The following CFHR5 variants were observed in gnomAD, a reference collection of about 807,000 sequenced individuals.
CFHR5 encodes the protein complement factor H related 5.
A neutral mutation model predicts 62.9 loss-of-function variants in CFHR5; 73 were observed. That is an observed-to-expected ratio of 1.16 (90% confidence interval 0.96 to 1.41). The LOEUF is 1.41. CFHR5 is among the 40% of genes most tolerant of loss of function. The pLI is 0.00. For missense variants in CFHR5, 779 were observed against 679.9 expected, an observed-to-expected ratio of 1.15 and a Z score of -1.62; for synonymous variants, 249 against 227.2, an observed-to-expected ratio of 1.10 and a Z score of -0.86.
intron 1 of CFHR5, among the ~76,000 whole-genome samples, chr1:196,982,662 C>A (rs1456429346): frequency 6.8e-6 from 1 of 147,472 alleles, no homozygotes; most frequent in African/African-American, 2.7e-5. Context: ...AAGAGTAAAA[C>A]CTGAAACTCC....
chr1:196,983,324 G>A (rs1038507546), intron 2 of CFHR5, among the ~76,000 whole-genome samples: 2 of 152,102 alleles, frequency 1.3e-5, no homozygotes, highest in Non-Finnish European at 2.9e-5. Context: ...TTAAACTGAT[G>A]ATTAATATAT....
chr1:196,976,905 C>T (rs1005316792), upstream of CFHR5, among the ~76,000 whole-genome samples: 4 of 147,312 alleles, frequency 2.7e-5, no homozygotes, highest in East Asian at 2.0e-4. Flanking sequence ...CCCGGTTTTA[C>T]GCCATTCTCC....
chr1:196,994,670 A>T (rs1267270073), intron 4 of CFHR5, among the ~76,000 whole-genome samples: 1 of 152,186 alleles, frequency 6.6e-6, no homozygotes, highest in Non-Finnish European at 1.5e-5. Flanking sequence ...TTCAGATGGC[A>T]CTATTTTTAT....
intron 3 of CFHR5, among the ~76,000 whole-genome samples, chr1:196,990,435 C>T (rs1297259517): frequency 6.6e-6 from 1 of 152,016 alleles, no homozygotes; most frequent in Non-Finnish European, 1.5e-5. Context: ...AGTTATTTTG[C>T]CCGTTAGTTG....
In CFHR5 at chr1:196,996,147, A is replaced by C; in HGVS notation, c.916A>C (p.Asn306His). The change falls in exon 6 of 10, where the codon AAT becomes CAT. Residue 306 changes from asparagine (N) to histidine (H), a missense_variant. By Grantham distance (68) the Asn-to-His change is moderately conservative. Coordinates refer to ENST00000256785, the MANE Select transcript of CFHR5 (RefSeq NM_030787.4). ...NCRNEYAMIGNNMITCINGIW... is the reference protein window; with the variant it reads ...NCRNEYAMIGHNMITCINGIW... ...CAGAAATGAATATGCAATGATTGGA[A>C]ATAACATGATTACCTGTATTAATGG... 1 of 1,613,544 alleles carries C rather than the reference A, an allele frequency of 6.2e-7. No individual in the cohort carries two copies. Among genetic ancestry groups the C allele is most frequent in the Non-Finnish European group, 8.5e-7 (1 of 1,179,526 alleles).
In CFHR5 at chr1:196,982,442, C is replaced by T. The variant is rs781664138; in HGVS notation, c.59-443C>T. On this transcript the variant is annotated intron_variant, in intron 1 of 9. Coordinates refer to ENST00000256785, the MANE Select transcript of CFHR5 (RefSeq NM_030787.4). ...ATCCCGGCAGTTTGGGAGGCCGAGGCGCATGGATCACCTGAGGTCAGGAGT... is the reference window on the plus strand; with the variant it reads ...ATCCCGGCAGTTTGGGAGGCCGAGGTGCATGGATCACCTGAGGTCAGGAGT... Among the ~76,000 whole-genome samples, 6 of 152,086 alleles carry T rather than the reference C, an allele frequency of 3.9e-5. 1 individual carries two copies. In the East Asian group the frequency reaches 1.2e-3, roughly 29 times the overall value.
In CFHR5 at chr1:196,983,061, C is replaced by G. The variant is rs1653583543; in HGVS notation, c.235C>G (p.Pro79Ala). Residue 79 changes from proline to alanine, a missense_variant, in exon 2 of 10, where the codon CCA becomes GCA. Coordinates refer to ENST00000256785, the MANE Select transcript of CFHR5 (RefSeq NM_030787.4). ...RITCTEEGWS[P>A]TPKCLRMCSF... ...AACATGCACAGAAGAAGGATGGTCACCAACACCGAAGTGTCTCAGTGAGTA... is the reference window on the plus strand; with the variant it reads ...AACATGCACAGAAGAAGGATGGTCAGCAACACCGAAGTGTCTCAGTGAGTA... 1.2e-6 allele frequency: 2 copies of G among 1,613,894 alleles called. No individual in the cohort carries two copies. The highest frequency in any genetic ancestry group is 3.3e-5 in the Admixed American group (2 of 59,998).
chr1:196,985,688 C>T (rs1653667229), intron 3 of CFHR5, among the ~76,000 whole-genome samples: 1 of 152,126 alleles, frequency 6.6e-6, no homozygotes, highest in African/African-American at 2.4e-5. Flanking sequence ...ATTTTAGAAG[C>T]TTGACAAATT....
intron 9 of CFHR5, among the ~76,000 whole-genome samples, chr1:197,007,318 A>G (rs1654314955): frequency 6.6e-6 from 1 of 152,140 alleles, no homozygotes. Context: ...TTCTCGATTT[A>G]TGGAGAATAT....
chr1:196,983,797 C>CA (rs1653605255), intron 2 of CFHR5, among the ~76,000 whole-genome samples, 164 bp from the exon 3 acceptor site: 1 of 151,948 alleles, frequency 6.6e-6, no homozygotes, highest in Admixed American at 6.6e-5. Context: ...TATATAGGAA[C>CA]AAAAAATATA....
chr1:196,983,880 T>C, intron 2 of CFHR5, 81 bp from the exon 3 acceptor site: 1 of 984,248 alleles, frequency 1.0e-6, no homozygotes, highest in Non-Finnish European at 1.6e-6. Context: ...TTTTCAAAGT[T>C]TTCCTTTCTT....
chr1:196,981,800 ATTAT>A (rs1243010695), intron 1 of CFHR5, among the ~76,000 whole-genome samples: 1 of 151,972 alleles, frequency 6.6e-6, no homozygotes, highest in Non-Finnish European at 1.5e-5. Flanking sequence ...TCATCTCTAG[ATTAT>A]TTATAATATC....
At chr1:196,981,352 G>A (rs928439) in intron 1 of CFHR5, among the ~76,000 whole-genome samples, 29,803 of 151,798 alleles carry the variant, frequency 0.2, 5,301 homozygotes, top group African/African-American at 0.48. Flanking sequence ...TAAACTATGG[G>A]CTTTAATGAC....
chr1:196,998,155 T>C lies in CFHR5; in HGVS notation c.998T>C (p.Ile333Thr). Residue 333 changes from isoleucine to threonine, a missense_variant, in exon 7 of 10, where the codon ATA (isoleucine) becomes ACA (threonine). Coordinates refer to ENST00000256785, the MANE Select transcript of CFHR5 (RefSeq NM_030787.4). ...ACACACCAACTTAAGAGGTGCAAAA[T>C]AGCAGGAGTTAATATAAAAACATTA... is the stretch of plus-strand genomic sequence containing the variant. ...VATHQLKRCK[I>T]AGVNIKTLLK... 3 of 1,566,998 alleles carry C rather than the reference T, an allele frequency of 1.9e-6. No homozygotes were observed. Among genetic ancestry groups the C allele is most frequent in the Non-Finnish European group, 2.6e-6 (3 of 1,153,404 alleles).
rs41306229 is a variant in CFHR5, at chr1:196,995,841, C to T, written c.732C>T (p.Asn244=). ...ATTGCAATCCTAATTTTATAATAAA[C>T]GGGCCTAAGAAAATACAATGTGTGG... ...EYDCNPNFII[N]GPKKIQCVDG... The change falls in exon 5 of 10, where the codon AAC becomes AAT. Residue 244 remains asparagine (N), a synonymous_variant. Coordinates refer to ENST00000256785, the MANE Select transcript of CFHR5 (RefSeq NM_030787.4). 2.9e-3 allele frequency: 4,742 copies of T among 1,612,962 alleles called. 19 individuals carry two copies. The highest frequency in any genetic ancestry group is 3.0e-3 in the Non-Finnish European group (3,577 of 1,179,160).
At chr1:197,003,757 T>G (rs146840910) in intron 8 of CFHR5, among the ~76,000 whole-genome samples, 2 of 151,988 alleles carry the variant, frequency 1.3e-5, no homozygotes, top group South Asian at 2.1e-4. Flanking sequence ...CAAAAGGGAA[T>G]AGAGAAATGA....
At chr1:196,980,316 C>A (rs1032975315) in intron 1 of CFHR5, among the ~76,000 whole-genome samples, 10 of 149,786 alleles carry the variant, frequency 6.7e-5, no homozygotes, top group African/African-American at 2.2e-4. Flanking sequence ...AATACATTAA[C>A]CAGTACCATG....
At chr1:196,981,098 A>C (rs939783135) in intron 1 of CFHR5, among the ~76,000 whole-genome samples, 1 of 152,170 alleles carries the variant, frequency 6.6e-6, no homozygotes, top group African/African-American at 2.4e-5. Flanking sequence ...GCAACATTAA[A>C]TATTACTTCT....
At chr1:196,978,167 T>C (rs1347497489) in intron 1 of CFHR5, among the ~76,000 whole-genome samples, 1 of 152,170 alleles carries the variant, frequency 6.6e-6, no homozygotes, top group Non-Finnish European at 1.5e-5. Flanking sequence ...GAAGGAATTC[T>C]CATTTCAGCC....
Sources: gnomAD v4.1 joint callset for allele counts (sites outside exome capture counted in the v4.1 genomes callset) on GRCh38, gnomAD v4.1.1 for gene constraint, MANE v1.5 for transcripts, NCBI Gene and HGNC (gene_info 2026-07-23, HGNC 2026-07-21) for gene names.